Variants in TMED5 observed in about 807,000 individuals in gnomAD.
TMED5 encodes the protein transmembrane p24 trafficking protein 5, also known as transmembrane emp24 domain-containing protein 5.
In TMED5, 27 loss-of-function variants were observed where a neutral mutation model predicts 23.0. That is an observed-to-expected ratio of 1.17 (90% CI 0.86 to 1.62). The LOEUF (loss-of-function observed/expected upper bound fraction) is 1.62. TMED5 is among the 40% of genes most tolerant of loss of function. TMED5 has a pLI of 0.00. For synonymous variants in TMED5, 97 were observed against 100.8 expected, an observed-to-expected ratio of 0.96 and a Z score of 0.23; for missense variants, 248 against 273.7, an observed-to-expected ratio of 0.91 and a Z score of 0.66.
rs1421227743 is a variant in TMED5 at position 93,154,892 on chromosome 1, G to A, written c.472-4C>T. ...ACTTGATGCTGTTGATGGATTCCTG[G>A]AGATAAATAAAATAATTTTATTATT... On this transcript the variant is annotated splice_region_variant and splice_polypyrimidine_tract_variant and intron_variant, in intron 3 of 3. Transcript: ENST00000370282. 2 of 1,549,518 alleles carry A rather than the reference G, an allele frequency of 1.3e-6. No individual in the cohort carries two copies. The highest frequency in any genetic ancestry group is 3.5e-4 in the Middle Eastern group (2 of 5,784).
chr1:93,160,162 A>G lies in TMED5; in HGVS notation c.254T>C (p.Val85Ala), dbSNP rs1016530846. ...TCCATCTGATTTTCTTTGTTCAAAA[A>G]CTAAGGTTTTGCCTTCTGGAGAGGC... ...HLASPEGKTL[V>A]FEQRKSDGVH... The change falls in exon 2 of 4, where the codon GTT becomes GCT. Residue 85 changes from valine to alanine, a missense_variant. By Grantham distance (64) the Val-to-Ala change is moderately conservative (BLOSUM62 0). Transcript: ENST00000370282. 3 of 1,613,200 alleles carry G rather than the reference A, an allele frequency of 1.9e-6. No homozygotes were observed. The highest frequency in any genetic ancestry group is 1.7e-5 in the Admixed American group (1 of 59,996).
At position 93,173,299 on chromosome 1, in the gene TMED5, C is replaced by T. The variant is rs377023473; in HGVS notation, c.189+6755G>A. On this transcript the variant is annotated intron_variant, in intron 1 of 3. Transcript: ENST00000370282. ...TATGTATCAAAACATCACGCTATAC[C>T]GCATAAATGTATACAATTATAATTT... is the stretch of plus-strand genomic sequence containing the variant. Among the ~76,000 whole-genome samples the T allele has an allele frequency of 4.7e-4, 72 of 152,054 alleles. No homozygotes were observed. The South Asian group carries it at 0.014, about 30-fold the overall frequency.
intron 3 of TMED5, 81 bp from the exon 4 acceptor site, chr1:93,154,969 G>T: frequency 2.0e-6 from 2 of 1,018,708 alleles, no homozygotes; most frequent in South Asian, 1.6e-5. Flanking sequence ...TGGGTGCAGT[G>T]ACTCATGCCT....
chr1:93,169,913 AC>A, intron 1 of TMED5, among the ~76,000 whole-genome samples: 1 of 151,582 alleles, frequency 6.6e-6, no homozygotes, highest in South Asian at 2.1e-4. Context: ...ACACACACAC[AC>A]ACACAAAATT....
In TMED5 at chr1:93,180,232, T is replaced by A; in HGVS notation, c.11A>T (p.Lys4Met). MGD[K>M]IWLPFPVLLL... ...GAGCACGGGGAAGGGCAGCCAGATC[T>A]TGTCGCCCATCCCTGCTGGGGCGAT... is the stretch of plus-strand genomic sequence containing the variant. The change falls in exon 1 of 4, where the codon AAG (lysine) becomes ATG (methionine). Residue 4 changes from lysine to methionine, a missense_variant. By Grantham distance (95) the Lys-to-Met change is moderately conservative. Coordinates refer to ENST00000370282, the MANE Select transcript of TMED5 (RefSeq NM_016040.5). 1 of 1,610,870 alleles carries A rather than the reference T, an allele frequency of 6.2e-7. No individual in the cohort carries two copies. Among genetic ancestry groups the A allele is most frequent in the Non-Finnish European group, 8.5e-7 (1 of 1,179,038 alleles).
chr1:93,156,747 G>T (rs1318428116), intron 2 of TMED5, among the ~76,000 whole-genome samples: 7 of 144,446 alleles, frequency 4.8e-5, no homozygotes, highest in Non-Finnish European at 9.0e-5. Flanking sequence ...GGTTGAAGAT[G>T]CAGTGAGGCA....
Position 93,174,799 on chromosome 1 carries a change from T to C in TMED5, c.189+5255A>G, listed in dbSNP as rs370625733. On this transcript the variant is annotated intron_variant, in intron 1 of 3. Coordinates refer to ENST00000370282, the MANE Select transcript of TMED5 (RefSeq NM_016040.5). ...GGATAATAGCCTCCAGCTCAACCCA[T>C]ATTCCCACAAAAGACATGATCTCAT... Among the ~76,000 whole-genome samples, 16 of 152,304 alleles carry C rather than the reference T, an allele frequency of 1.1e-4. No individual in the cohort carries two copies. In the South Asian group the frequency reaches 3.1e-3, roughly 30 times the overall value.
intron 1 of TMED5, among the ~76,000 whole-genome samples, chr1:93,174,421 G>A (rs1262680756): frequency 6.6e-6 from 1 of 152,208 alleles, no homozygotes; most frequent in Non-Finnish European, 1.5e-5. Context: ...TGAAGTGGGA[G>A]TATCACTTGT....
chr1:93,156,807 CAAAAAAAA>C (rs10572798), intron 2 of TMED5, among the ~76,000 whole-genome samples: 1 of 90,498 alleles, frequency 1.1e-5, no homozygotes, highest in Non-Finnish European at 2.3e-5. Flanking sequence ...GATCCTGTCT[CAAAAAAAA>C]AAAAAAAAAA....
intron 1 of TMED5, 141 bp downstream of exon 1, chr1:93,179,913 G>T: frequency 2.2e-6 from 2 of 895,770 alleles, no homozygotes; most frequent in Non-Finnish European, 3.3e-6. Context: ...TCGCGCGCCT[G>T]CGCGGAGCGG....
intron 1 of TMED5, among the ~76,000 whole-genome samples, chr1:93,170,610 G>A (rs1377851422): frequency 1.3e-5 from 2 of 152,246 alleles, no homozygotes; most frequent in Non-Finnish European, 2.9e-5. Context: ...GCTGAGGAGT[G>A]CAGGCGCACG....
chr1:93,178,179 G>T (rs980953791), intron 1 of TMED5, among the ~76,000 whole-genome samples: 2 of 152,116 alleles, frequency 1.3e-5, no homozygotes, highest in Admixed American at 1.3e-4. Flanking sequence ...TATGATTCAT[G>T]CTTAATGACC....
At position 93,153,041 on chromosome 1, in the gene TMED5, C is replaced by A. The variant is rs1647932835; in HGVS notation, c.*1629G>T. ...CTATGAGTGTAAATGAAATCACTCT[C>A]TGGTTATCATTATTGCTCATCAAGA... On this transcript the variant is annotated 3_prime_UTR_variant, in exon 4 of 4. Transcript: ENST00000370282. 6.6e-6 allele frequency: 1 copy of A among 152,554 alleles called. No individual in the cohort carries two copies. Among genetic ancestry groups the A allele is most frequent in the Admixed American group, 6.6e-5 (1 of 15,264 alleles). The allele number at this position is 152,554 out of a possible 1,614,324, so 9.5% of individuals were successfully genotyped here.
intron 1 of TMED5, among the ~76,000 whole-genome samples, chr1:93,172,794 T>G (rs1173935980): frequency 1.3e-5 from 2 of 152,294 alleles, no homozygotes; most frequent in East Asian, 3.9e-4. Flanking sequence ...AAAAGAGATA[T>G]CTGCACTCCC....
At chr1:93,177,759 CTACTT>C (rs949513097) in intron 1 of TMED5, among the ~76,000 whole-genome samples, 8 of 152,114 alleles carry the variant, frequency 5.3e-5, no homozygotes, top group African/African-American at 1.7e-4. Context: ...TTTTAATAGA[CTACTT>C]TACACTGAAT....
At position 93,160,191 on chromosome 1, in the gene TMED5, A is replaced by T; in HGVS notation, c.225T>A (p.His75Gln). 1 of 1,613,032 alleles carries T rather than the reference A, an allele frequency of 6.2e-7. No individual in the cohort carries two copies. The highest frequency in any genetic ancestry group is 1.1e-5 in the South Asian group (1 of 91,026). Residue 75 changes from histidine to glutamine, a missense_variant, in exon 2 of 4, where the codon CAT (histidine) becomes CAA (glutamine). Physicochemically the swap from His to Gln is conservative, Grantham distance 24 (BLOSUM62 0). Transcript: ENST00000370282. ...AGGTTTTGCCTTCTGGAGAGGCAAG[A>T]TGGAAATCAATATCTAATCCTGCTC... ...LDGAGLDIDF[H>Q]LASPEGKTLV...
chr1:93,171,473 C>A (rs949916605), intron 1 of TMED5, among the ~76,000 whole-genome samples: 1 of 152,078 alleles, frequency 6.6e-6, no homozygotes, highest in Non-Finnish European at 1.5e-5. Flanking sequence ...TGAAACAGGC[C>A]AATTCCTTGA....
At position 93,154,595 on chromosome 1, in the gene TMED5, T is replaced by A; in HGVS notation, c.*75A>T. 2 of 1,000,458 alleles carry A rather than the reference T, an allele frequency of 2.0e-6. No homozygotes were observed. The highest frequency in any genetic ancestry group is 2.5e-5 in the East Asian group (1 of 40,256). 62.0% of individuals were successfully genotyped at this position (1,000,458 alleles called of 1,614,324 possible). On this transcript the variant is annotated 3_prime_UTR_variant, in exon 4 of 4. Transcript: ENST00000370282. ...CTCAAAATATTTTGGAGAAGACCAT[T>A]AATGGTCTTGACTGTAACAGTTTAT...
At chr1:93,177,104 C>T (rs1268713801) in intron 1 of TMED5, among the ~76,000 whole-genome samples, 1 of 152,056 alleles carries the variant, frequency 6.6e-6, no homozygotes, top group African/African-American at 2.4e-5. Flanking sequence ...ATTTTAAAAA[C>T]TAACTTTAAG....
Sources: allele counts gnomAD v4.1 joint callset (sites outside exome capture counted in the v4.1 genomes callset), GRCh38; gene constraint gnomAD v4.1.1; transcripts MANE v1.5; gene names NCBI Gene and HGNC (gene_info 2026-07-23, HGNC 2026-07-21).